MCF2L2: variants seen among roughly 807,000 people sequenced by gnomAD.
The protein encoded by MCF2L2 is probable guanine nucleotide exchange factor MCF2L2.
MCF2L2 carries 102 observed loss-of-function variants against 150.2 expected under a neutral mutation model. The observed-to-expected ratio is 0.68, with a 90% CI of 0.58 to 0.80. The LOEUF (loss-of-function observed/expected upper bound fraction) is 0.80. Ranked by LOEUF, MCF2L2 falls within the 30% of genes least tolerant of loss-of-function variation. The pLI is 0.00. For synonymous variants in MCF2L2, 465 were observed against 491.3 expected, an observed-to-expected ratio of 0.95 and a Z score of 0.71; for missense variants, 1,256 against 1,372.8, an observed-to-expected ratio of 0.91 and a Z score of 1.34.
At chr3:183,384,851 G>T (rs1411118496) in intron 2 of MCF2L2, among the ~76,000 whole-genome samples, 1 of 152,146 alleles carries the variant, frequency 6.6e-6, no homozygotes, top group Non-Finnish European at 1.5e-5. Flanking sequence ...CGTTGTAGTT[G>T]TTGAGCCCAC....
chr3:183,398,083 A>G (rs761526790), intron 1 of MCF2L2, among the ~76,000 whole-genome samples: 2 of 152,184 alleles, frequency 1.3e-5, no homozygotes, highest in African/African-American at 4.8e-5. Context: ...GAGCCATTGA[A>G]GCAGAGATGG....
chr3:183,415,376 G>A (rs939821499), intron 1 of MCF2L2, among the ~76,000 whole-genome samples: 4 of 152,032 alleles, frequency 2.6e-5, no homozygotes, highest in East Asian at 1.9e-4. Context: ...TAGTAGAGAC[G>A]AGGTTTCACC....
At position 183,227,327 on chromosome 3, in the gene MCF2L2, G is replaced by A. The variant is rs77527195; in HGVS notation, c.2115+970C>T. On this transcript the variant is annotated intron_variant, in intron 18 of 29. Coordinates refer to ENST00000328913, the MANE Select transcript of MCF2L2 (RefSeq NM_015078.4). This position sits in a 1 kb window ranked among gnomAD's most constrained non-coding sequence, Gnocchi z 4.0. Reference sequence around the variant, plus strand: ...CCTATTTGTTGCCTAAAACAGGGTGGAGAAACAGGGAAAGAGGGAAGAAGT... The same window carrying A: ...CCTATTTGTTGCCTAAAACAGGGTGAAGAAACAGGGAAAGAGGGAAGAAGT... 2 of 152,192 alleles carry A rather than the reference G, an allele frequency of 1.3e-5. No homozygotes were observed. Among genetic ancestry groups the A allele is most frequent in the Admixed American group, 6.6e-5 (1 of 15,262 alleles). The allele number at this position is 152,192 out of a possible 1,614,324, so 9.4% of individuals were successfully genotyped here. A position where few individuals can be genotyped will look rare whatever the true frequency, so the allele number is the denominator to read the frequency against.
At chr3:183,335,981 C>G (rs1202520405) in intron 5 of MCF2L2, among the ~76,000 whole-genome samples, 2 of 152,224 alleles carry the variant, frequency 1.3e-5, no homozygotes, top group African/African-American at 4.8e-5. Flanking sequence ...GGAGCAACAG[C>G]ATGCCATCTT....
intron 3 of MCF2L2, among the ~76,000 whole-genome samples, chr3:183,342,401 C>T (rs1240131329): frequency 6.6e-6 from 1 of 152,134 alleles, no homozygotes; most frequent in Non-Finnish European, 1.5e-5. Context: ...GTGCTCTTCT[C>T]TGTAAAATGA....
rs914481877 is a variant in MCF2L2, at chr3:183,264,081, C to G, written c.1862+12791G>C. Reference sequence around the variant, plus strand: ...TTGCTCAAACTTAATAAATACTGAGCAAGGGAGTTACTATAACAAACAAAA... The same window carrying G: ...TTGCTCAAACTTAATAAATACTGAGGAAGGGAGTTACTATAACAAACAAAA... On this transcript the variant is annotated intron_variant, in intron 15 of 29. Coordinates refer to ENST00000328913, the MANE Select transcript of MCF2L2 (RefSeq NM_015078.4). Among the ~76,000 whole-genome samples the G allele has an allele frequency of 7.2e-5, 11 of 152,158 alleles. 1 individual carries two copies. The highest frequency in any genetic ancestry group is 7.2e-4 in the Admixed American group (11 of 15,282).
intron 2 of MCF2L2, among the ~76,000 whole-genome samples, chr3:183,382,648 A>C (rs1459994932): frequency 6.6e-6 from 1 of 152,244 alleles, no homozygotes; most frequent in Admixed American, 6.5e-5. Flanking sequence ...AGTCCAGTGC[A>C]TTCCTTGAAT....
chr3:183,227,698 G>A lies in MCF2L2; in HGVS notation c.2115+599C>T, dbSNP rs370712107. On this transcript the variant is annotated intron_variant, in intron 18 of 29. Coordinates refer to ENST00000328913, the MANE Select transcript of MCF2L2 (RefSeq NM_015078.4). This position sits in a 1 kb window ranked among gnomAD's most constrained non-coding sequence, Gnocchi z 4.0. ...GGGCTTTGCAGGAAGCCAGGCTTGC[G>A]GTTACTCCCACATATCAGTGTGAGC... The A allele has an allele frequency of 7.9e-5, 12 of 152,204 alleles. No homozygotes were observed. The highest frequency in any genetic ancestry group is 1.6e-4 in the Non-Finnish European group (11 of 68,028). 9.4% of individuals were successfully genotyped at this position (152,204 alleles called of 1,614,324 possible).
chr3:183,379,175 G>A, intron 3 of MCF2L2, 122 bp downstream of exon 3: 2 of 621,422 alleles, frequency 3.2e-6, no homozygotes, highest in Non-Finnish European at 5.3e-6. Context: ...AGCCAGCTGG[G>A]TTATTATGCA....
rs137860716 is a variant in MCF2L2 at position 183,278,524 on chromosome 3, A to G, written c.1777-1567T>C. ...AATACAGCAGTGAATGTTACATTGT[A>G]TCCTTTTGCAGTTTCTCATCTATGA... On this transcript the variant is annotated intron_variant, in intron 14 of 29. Coordinates refer to ENST00000328913, the MANE Select transcript of MCF2L2 (RefSeq NM_015078.4). 3.9e-5 allele frequency among the ~76,000 whole-genome samples: 6 copies of G among 152,340 alleles called. No individual in the cohort carries two copies. In the East Asian group the frequency reaches 1.2e-3, roughly 29 times the overall value.
chr3:183,239,773 C>T (rs1723928923), intron 15 of MCF2L2, among the ~76,000 whole-genome samples: 1 of 152,210 alleles, frequency 6.6e-6, no homozygotes, highest in Non-Finnish European at 1.5e-5. Context: ...ACTCAGATTT[C>T]CAGGCTTCTG....
intron 3 of MCF2L2, chr3:183,372,879 T>G (rs1335492265): frequency 6.6e-6 from 1 of 152,262 alleles, no homozygotes; most frequent in African/African-American, 2.4e-5. Flanking sequence ...TGCTTAGTTA[T>G]ACAAATGTTG....
chr3:183,263,899 CCTT>C (rs1406251402), intron 15 of MCF2L2, among the ~76,000 whole-genome samples: 3 of 152,112 alleles, frequency 2.0e-5, no homozygotes, highest in Admixed American at 1.3e-4. Context: ...CTTGAAAGGG[CCTT>C]CTTTATGCCT....
intron 1 of MCF2L2, among the ~76,000 whole-genome samples, chr3:183,390,555 C>A (rs758951671): frequency 6.6e-6 from 1 of 152,140 alleles, no homozygotes; most frequent in Non-Finnish European, 1.5e-5. Context: ...TCAACCTAGG[C>A]TGAAGAGAGG....
At chr3:183,186,539 A>G (rs1337730707) in intron 27 of MCF2L2, among the ~76,000 whole-genome samples, 1 of 151,668 alleles carries the variant, frequency 6.6e-6, no homozygotes, top group Non-Finnish European at 1.5e-5. Context: ...CAGCCTGGCC[A>G]CAATGGTGAA....
chr3:183,353,387 C>T (rs1711585441), intron 3 of MCF2L2, among the ~76,000 whole-genome samples: 1 of 152,216 alleles, frequency 6.6e-6, no homozygotes, highest in Admixed American at 6.5e-5. Context: ...TTCCACCAGA[C>T]ACATCCAGTA....
chr3:183,267,537 G>T lies in MCF2L2; in HGVS notation c.1862+9335C>A, dbSNP rs1447661711. ...TCTATCAGGGGTCAACCGGCGGGGG[G>T]ACTTGAGAACAGATCTCTGGGCACA... On this transcript the variant is annotated intron_variant, in intron 15 of 29. Coordinates refer to ENST00000328913, the MANE Select transcript of MCF2L2 (RefSeq NM_015078.4). This position sits in a 1 kb window ranked among gnomAD's most constrained non-coding sequence, Gnocchi z 5.5. Among the ~76,000 whole-genome samples the T allele has an allele frequency of 1.3e-5, 2 of 152,206 alleles. No individual in the cohort carries two copies. Among genetic ancestry groups the T allele is most frequent in the East Asian group, 1.9e-4 (1 of 5,182 alleles).
chr3:183,425,759 T>C (rs1184861910), intron 1 of MCF2L2, among the ~76,000 whole-genome samples: 1 of 151,998 alleles, frequency 6.6e-6, no homozygotes, highest in Non-Finnish European at 1.5e-5. Flanking sequence ...TCAAGACCAA[T>C]CTGACCAACA....
At chr3:183,304,989 A>T (rs1729032921) in intron 10 of MCF2L2, among the ~76,000 whole-genome samples, 2 of 152,204 alleles carry the variant, frequency 1.3e-5, no homozygotes, top group South Asian at 4.1e-4. Flanking sequence ...ACAACAGCTA[A>T]CATCTACTGA....
Sources: allele counts gnomAD v4.1 joint callset (sites outside exome capture counted in the v4.1 genomes callset), GRCh38; gene constraint gnomAD v4.1.1; non-coding constraint Gnocchi (gnomAD v3.1); transcripts MANE v1.5; gene names NCBI Gene and HGNC (gene_info 2026-07-23, HGNC 2026-07-21).